DLGAP1: variants seen among roughly 807,000 people sequenced by gnomAD.
The protein encoded by DLGAP1 is DLG associated protein 1.
In DLGAP1, 11 loss-of-function variants were observed where a neutral mutation model predicts 90.8. That is an observed-to-expected ratio of 0.12 (90% CI 0.08 to 0.20). DLGAP1 has a LOEUF of 0.20. Among genes scored for constraint, DLGAP1 ranks in the 10% least tolerant of loss-of-function variants. The pLI, the probability that DLGAP1 is intolerant of heterozygous loss-of-function variation, is 1.00. For missense variants in DLGAP1, 1,050 were observed against 1,333.8 expected (o/e 0.79, Z 3.31); for synonymous variants, 558 against 540.7 (o/e 1.03, Z -0.44).
At chr18:3,933,325 G>C (rs2072560156) in intron 3 of DLGAP1, among the ~76,000 whole-genome samples, 1 of 152,162 alleles carries the variant, frequency 6.6e-6, no homozygotes. Flanking sequence ...CATGCAGTGG[G>C]CTGAGAATTG....
rs556959859 is a variant in DLGAP1 at position 4,453,828 on chromosome 18, T to C, written c.-267+1178A>G. ...CCTCCCACGACCGGGAGTCAGTCTC[T>C]GTGTCAGGAGTAAGGAGTGAAGAGT... On this transcript the variant is annotated intron_variant, in intron 1 of 12. Transcript: ENST00000315677. Among the ~76,000 whole-genome samples, 37 of 152,340 alleles carry C rather than the reference T, an allele frequency of 2.4e-4. 2 individuals are homozygous for C. Among genetic ancestry groups the C allele is most frequent in the Admixed American group, 2.2e-3 (34 of 15,310 alleles).
intron 11 of DLGAP1, 91 bp from the exon 12 acceptor site, chr18:3,502,736 A>G (rs1279447658): frequency 2.1e-6 from 3 of 1,420,918 alleles, no homozygotes; most frequent in African/African-American, 2.9e-5. Flanking sequence ...TTCAAACAAC[A>G]TAAGGAGGAC....
At chr18:4,341,668 A>G (rs2081191717) in intron 1 of DLGAP1, among the ~76,000 whole-genome samples, 2 of 152,204 alleles carry the variant, frequency 1.3e-5, no homozygotes, top group Admixed American at 6.5e-5. Context: ...AAGAAACAAG[A>G]AAAGCAGTCC....
chr18:3,593,474 T>A (rs561025048), intron 7 of DLGAP1, among the ~76,000 whole-genome samples: 2 of 152,320 alleles, frequency 1.3e-5, no homozygotes, highest in East Asian at 3.9e-4. Context: ...GGCCCCCCTC[T>A]GGGAGATACA....
intron 1 of DLGAP1, among the ~76,000 whole-genome samples, chr18:4,322,765 T>C (rs543118786): frequency 6.6e-6 from 1 of 151,994 alleles, no homozygotes; most frequent in South Asian, 2.1e-4. Context: ...ATCGAGACCA[T>C]CCTGGCTAAC....
At chr18:4,031,246 C>A (rs1482775356) in intron 2 of DLGAP1, among the ~76,000 whole-genome samples, 1 of 151,452 alleles carries the variant, frequency 6.6e-6, no homozygotes, top group African/African-American at 2.4e-5. Context: ...ATGTGTTGAG[C>A]AAAGTCTGGT....
chr18:4,079,657 A>G (rs961139408), intron 2 of DLGAP1, among the ~76,000 whole-genome samples: 2 of 151,392 alleles, frequency 1.3e-5, no homozygotes, highest in Non-Finnish European at 1.5e-5. Flanking sequence ...CATGTGACCA[A>G]AAACCATGTG....
At chr18:4,320,909 C>A (rs1289490410) in intron 1 of DLGAP1, among the ~76,000 whole-genome samples, 2 of 152,158 alleles carry the variant, frequency 1.3e-5, no homozygotes, top group Non-Finnish European at 2.9e-5. Flanking sequence ...CCTTTCTGGG[C>A]ACTGATATTA....
At chr18:3,586,807 G>T (rs1267034337) in intron 7 of DLGAP1, among the ~76,000 whole-genome samples, 1 of 152,078 alleles carries the variant, frequency 6.6e-6, no homozygotes, top group Non-Finnish European at 1.5e-5. Context: ...CTCTCCTAAG[G>T]GTATTTTGTT....
In DLGAP1 at chr18:4,129,353, T is replaced by C. The variant is rs1337391767; in HGVS notation, c.-159+21827A>G. Among the ~76,000 whole-genome samples the C allele has an allele frequency of 2.0e-5, 3 of 152,112 alleles. No homozygotes were observed. In the East Asian group the frequency reaches 5.8e-4, roughly 29 times the overall value. On this transcript the variant is annotated intron_variant, in intron 2 of 12. Coordinates refer to ENST00000315677, the MANE Select transcript of DLGAP1 (RefSeq NM_004746.4). ...ACACATATAATAGTTTGGGCAAGCA[T>C]ATGGCTGTCCGGACTACACTATGGT...
At chr18:4,171,363 G>A (rs1445208882) in intron 1 of DLGAP1, among the ~76,000 whole-genome samples, 2 of 151,742 alleles carry the variant, frequency 1.3e-5, no homozygotes, top group African/African-American at 2.4e-5. Flanking sequence ...GTGAAACCCC[G>A]TCTCTACTAA....
At chr18:3,641,313 C>A (rs991162647) in intron 7 of DLGAP1, among the ~76,000 whole-genome samples, 1 of 151,674 alleles carries the variant, frequency 6.6e-6, no homozygotes, top group Non-Finnish European at 1.5e-5. Flanking sequence ...TTTGGGAGGC[C>A]AAGGCAGGCG....
intron 6 of DLGAP1, among the ~76,000 whole-genome samples, chr18:3,731,554 C>T (rs942236760): frequency 1.4e-4 from 21 of 149,660 alleles, no homozygotes; most frequent in African/African-American, 4.7e-4. Context: ...ACCACAGGTA[C>T]GCACCACCAC....
chr18:3,958,919 G>C (rs539446946), intron 3 of DLGAP1, among the ~76,000 whole-genome samples: 2 of 152,288 alleles, frequency 1.3e-5, no homozygotes, highest in East Asian at 1.9e-4. Flanking sequence ...CTCAAGGAAG[G>C]CTTCTAGTTA....
At chr18:3,972,936 A>C (rs9959784) in intron 3 of DLGAP1, among the ~76,000 whole-genome samples, 59,967 of 152,146 alleles carry the variant, frequency 0.39, 12,001 homozygotes, top group Non-Finnish European at 0.42. Flanking sequence ...CTTTTATTCT[A>C]AAAGAGGCTC....
chr18:4,322,573 A>G (rs964228487), intron 1 of DLGAP1, among the ~76,000 whole-genome samples: 22 of 152,222 alleles, frequency 1.4e-4, no homozygotes, highest in African/African-American at 5.1e-4. Flanking sequence ...AAGCTCCACA[A>G]CAGTAATCTG....
intron 3 of DLGAP1, among the ~76,000 whole-genome samples, chr18:3,970,163 C>T (rs2073415762): frequency 6.6e-6 from 1 of 152,172 alleles, no homozygotes; most frequent in South Asian, 2.1e-4. Flanking sequence ...TGTACTCCTG[C>T]AATTTCCCTT....
At chr18:4,216,120 A>G (rs1054751521) in intron 1 of DLGAP1, among the ~76,000 whole-genome samples, 3 of 152,112 alleles carry the variant, frequency 2.0e-5, no homozygotes, top group African/African-American at 7.2e-5. Context: ...AGGCCTCAGG[A>G]AACTTACAAT....
At chr18:4,291,808 T>A (rs1297256197) in intron 1 of DLGAP1, among the ~76,000 whole-genome samples, 1 of 152,142 alleles carries the variant, frequency 6.6e-6, no homozygotes, top group Admixed American at 6.5e-5. Context: ...ATATTGATAA[T>A]CATAAATGTG....
Sources: gnomAD v4.1 joint callset for allele counts (sites outside exome capture counted in the v4.1 genomes callset) on GRCh38, gnomAD v4.1.1 for gene constraint, MANE v1.5 for transcripts, NCBI Gene and HGNC (gene_info 2026-07-23, HGNC 2026-07-21) for gene names.